Variants in EIF2D observed in about 807,000 individuals in gnomAD.
The protein encoded by EIF2D is hepatocellular carcinoma-associated antigen 56.
EIF2D carries 56 observed loss-of-function variants against 77.4 expected under a neutral mutation model. The observed-to-expected ratio is 0.72, with a 90% confidence interval of 0.58 to 0.90. The LOEUF (loss-of-function observed/expected upper bound fraction) is 0.90, where lower values mean the gene tolerates loss of function less well. EIF2D is among the 40% of genes least tolerant of loss of function. EIF2D has a pLI of 0.00. For synonymous variants in EIF2D, 230 were observed against 271.0 expected (o/e 0.85, Z 1.49); for missense variants, 574 against 706.5 (o/e 0.81, Z 2.13).
chr1:206,609,228 C>T, intron 3 of EIF2D, 148 bp downstream of exon 3: 3 of 712,438 alleles, frequency 4.2e-6, no homozygotes, highest in Non-Finnish European at 7.0e-6. Context: ...TTGTGTGGAA[C>T]CAGCCAAGTG....
intron 2 of EIF2D, among the ~76,000 whole-genome samples, chr1:206,582,891 A>C (rs1362008243): frequency 6.6e-6 from 1 of 152,220 alleles, no homozygotes; most frequent in African/African-American, 2.4e-5. Flanking sequence ...AGCATCAAAG[A>C]AGCATCTTTT....
At chr1:206,586,543 C>T (rs984596407) in intron 2 of EIF2D, 6 of 299,050 alleles carry the variant, frequency 2.0e-5, no homozygotes, top group South Asian at 3.6e-5. Context: ...GTCAAGATCT[C>T]GGCTGCTACA....
chr1:206,587,044 A>G (rs1572378236), downstream of EIF2D: 9 of 1,579,184 alleles, frequency 5.7e-6, no homozygotes, highest in Non-Finnish European at 7.8e-6. Context: ...TTATTTTGCA[A>G]CAGACACTTT....
chr1:206,597,500 A>C (rs1352380845), intron 11 of EIF2D, among the ~76,000 whole-genome samples: 2 of 152,242 alleles, frequency 1.3e-5, no homozygotes, highest in Non-Finnish European at 2.9e-5. Context: ...TGAGGAAGAA[A>C]GAAAGGAAGT....
rs72755033 is a variant in EIF2D at position 206,578,539 on chromosome 1, G to A, written c.*254+2153C>T. ...TAAAGTGACTTCTGATGGGCAAACA[G>A]GTGTGAGATGATTCAAATCGTGGGC... On this transcript the variant is annotated intron_variant and NMD_transcript_variant, in intron 4 of 5. Transcript: ENST00000472709. Among the ~76,000 whole-genome samples the A allele has an allele frequency of 3.5e-3, 528 of 152,290 alleles. 1 individual carries two copies. The highest frequency in any genetic ancestry group is 6.6e-3 in the Non-Finnish European group (447 of 68,026).
chr1:206,585,442 T>C (rs1394277044), intron 2 of EIF2D: 6 of 653,770 alleles, frequency 9.2e-6, no homozygotes, highest in Middle Eastern at 3.7e-4. Context: ...GGGTGGGTGA[T>C]GGGCCTGGGG....
At chr1:206,591,517 T>A (rs1347657169), downstream of EIF2D, 2 of 515,236 alleles carry the variant, frequency 3.9e-6, no homozygotes, top group African/African-American at 3.8e-5. Flanking sequence ...AGGGAAGGAA[T>A]GAAATCATTG....
rs368228990 is a variant in EIF2D, at chr1:206,579,876, G to A, written c.*254+816C>T. Among the ~76,000 whole-genome samples the A allele has an allele frequency of 5.1e-4, 77 of 152,320 alleles. 1 individual carries two copies. The highest frequency in any genetic ancestry group is 1.7e-3 in the African/African-American group (72 of 41,574). On this transcript the variant is annotated intron_variant and NMD_transcript_variant, in intron 4 of 5. Transcript: ENST00000472709. The surrounding 1 kb of genome is among the most constrained non-coding windows in gnomAD (Gnocchi z 4.2). ...GTGGCTGGCTGGCCTAATTCAGGAGGTGATTCATTTGGTCCATGGGTCACA... is the reference window on the plus strand; with the variant it reads ...GTGGCTGGCTGGCCTAATTCAGGAGATGATTCATTTGGTCCATGGGTCACA...
At chr1:206,597,711 GA>G (rs1669719444) in intron 11 of EIF2D, among the ~76,000 whole-genome samples, 1 of 152,174 alleles carries the variant, frequency 6.6e-6, no homozygotes, top group Non-Finnish European at 1.5e-5. Context: ...TTGGGACGCC[GA>G]GATGGGTGGA....
chr1:206,602,619 G>C (rs1669978727), intron 6 of EIF2D, 166 bp from the exon 7 acceptor site: 2 of 666,194 alleles, frequency 3.0e-6, no homozygotes, highest in Non-Finnish European at 5.1e-6. Context: ...CCTTTAAAGA[G>C]GGTTGACCCC....
intron 2 of EIF2D, chr1:206,583,442 C>G: frequency 2.7e-6 from 3 of 1,106,610 alleles, no homozygotes; most frequent in South Asian, 2.5e-5. Flanking sequence ...TTTGGCGCCT[C>G]TGCCCTCACT....
At chr1:206,609,347 A>G (rs782544691) in intron 3 of EIF2D, 29 bp downstream of exon 3, 3 of 1,601,742 alleles carry the variant, frequency 1.9e-6, no homozygotes, top group South Asian at 1.1e-5. Context: ...GTTTCAGCCA[A>G]TAGCCAGAAT....
At chr1:206,591,959 C>T (rs1450003310) in intron 14 of EIF2D, 114 bp from the exon 15 acceptor site, 4 of 970,954 alleles carry the variant, frequency 4.1e-6, no homozygotes, top group Admixed American at 3.6e-5. Context: ...AACTCAACTT[C>T]GGGACTGACC....
At chr1:206,590,707 C>T (rs1271896279), downstream of EIF2D, among the ~76,000 whole-genome samples, 1 of 152,076 alleles carries the variant, frequency 6.6e-6, no homozygotes, top group Non-Finnish European at 1.5e-5. Flanking sequence ...TTCCTTTTTT[C>T]CTTTTCAAGC....
chr1:206,582,610 G>A (rs1016285097), intron 2 of EIF2D, among the ~76,000 whole-genome samples: 6 of 152,152 alleles, frequency 3.9e-5, no homozygotes, highest in African/African-American at 1.4e-4. Flanking sequence ...CCTCTTTTAT[G>A]GTAGAGGGGG....
At chr1:206,598,211 T>C (rs2102284069) in intron 11 of EIF2D, among the ~76,000 whole-genome samples, 1 of 151,938 alleles carries the variant, frequency 6.6e-6, no homozygotes, top group Non-Finnish European at 1.5e-5. Context: ...CTAATTTTTG[T>C]ATTTTTTGTA....
At chr1:206,594,014 G>T in intron 13 of EIF2D, 1 of 395,322 alleles carries the variant, frequency 2.5e-6, no homozygotes. Context: ...TAGAGGGACA[G>T]ATACTCTCTG....
chr1:206,599,696 G>T lies in EIF2D; in HGVS notation c.1052+37C>A, dbSNP rs782266198. On this transcript the variant is annotated intron_variant, in intron 9 of 14. Transcript: ENST00000271764. The surrounding 1 kb of genome is among the most constrained non-coding windows in gnomAD (Gnocchi z 4.1). ...CAGTCCGTGGCCCAGGTGCCCTGGG[G>T]CCAGCTGGGCTACAGTGACAGGCCC... is the stretch of plus-strand genomic sequence containing the variant. The T allele has an allele frequency of 3.1e-6, 5 of 1,613,422 alleles. No individual in the cohort carries two copies. Among genetic ancestry groups the T allele is most frequent in the Non-Finnish European group, 4.2e-6 (5 of 1,179,598 alleles).
intron 2 of EIF2D, chr1:206,583,195 G>A: frequency 2.1e-6 from 2 of 946,618 alleles, no homozygotes; most frequent in South Asian, 1.3e-5. Context: ...AGAGGCTTTG[G>A]GGAGGGCGTG....
Sources: gnomAD v4.1 joint callset for allele counts (sites outside exome capture counted in the v4.1 genomes callset) on GRCh38, gnomAD v4.1.1 for gene constraint, Gnocchi (gnomAD v3.1) non-coding constraint, MANE v1.5 for transcripts, NCBI Gene and HGNC (gene_info 2026-07-23, HGNC 2026-07-21) for gene names.